The following NRXN2 variants were observed in gnomAD, a reference collection of about 807,000 sequenced individuals.
NRXN2 encodes the protein neurexin 2.
A neutral mutation model predicts 128.8 loss-of-function variants in NRXN2; 29 were observed. The observed-to-expected ratio is 0.23, with a 90% CI of 0.17 to 0.31. The LOEUF is 0.31. NRXN2 is among the 10% of genes least tolerant of loss of function. The probability of loss-of-function intolerance (pLI) is 1.00; values close to 1 mark genes in which losing one functional copy is unlikely to be tolerated. For missense variants in NRXN2, 1,881 were observed against 2,452.6 expected (o/e 0.77, Z 4.92); for synonymous variants, 1,098 against 1,075.2 (o/e 1.02, Z -0.41).
intron 2 of NRXN2, among the ~76,000 whole-genome samples, chr11:64,710,189 T>G (rs1025627820): frequency 6.6e-6 from 1 of 152,036 alleles, no homozygotes; most frequent in Non-Finnish European, 1.5e-5. Flanking sequence ...ATTACAGGCG[T>G]GAGCCACTGC....
At position 64,630,339 on chromosome 11, in the gene NRXN2, C is replaced by G. The variant is rs917436334; in HGVS notation, c.3757+63G>C. On this transcript the variant is annotated intron_variant, in intron 19 of 22. Coordinates refer to ENST00000265459, the MANE Select transcript of NRXN2 (RefSeq NM_015080.4). This position sits in a 1 kb window ranked among gnomAD's most constrained non-coding sequence, Gnocchi z 4.6. ...TTAGCCCCGCCCCGGTGCGGCCGCA[C>G]TCCTATCAGAGGCCGCCACCCGCCC... The G allele has an allele frequency of 1.0e-4, 159 of 1,515,574 alleles. No homozygotes were observed. Among genetic ancestry groups the G allele is most frequent in the Non-Finnish European group, 1.3e-4 (146 of 1,119,408 alleles). The allele number at this position is 1,515,574 out of a possible 1,614,324, so 93.9% of individuals were successfully genotyped here.
At position 64,660,271 on chromosome 11, in the gene NRXN2, C is replaced by T. The variant is rs901316116; in HGVS notation, c.2389+61G>A. ...CACCACCAGCTTCTCCAGACAGAGG[C>T]AGGTGTGGGTCAGAGACAAGGCCAG... On this transcript the variant is annotated intron_variant, in intron 11 of 22. Coordinates refer to ENST00000265459, the MANE Select transcript of NRXN2 (RefSeq NM_015080.4). This position sits in a 1 kb window ranked among gnomAD's most constrained non-coding sequence, Gnocchi z 5.2. The T allele has an allele frequency of 3.2e-6, 5 of 1,566,274 alleles. No individual in the cohort carries two copies. The highest frequency in any genetic ancestry group is 4.4e-6 in the Non-Finnish European group (5 of 1,138,468).
At chr11:64,678,724 A>G (rs1318587483) in intron 6 of NRXN2, among the ~76,000 whole-genome samples, 1 of 152,096 alleles carries the variant, frequency 6.6e-6, no homozygotes, top group African/African-American at 2.4e-5. Context: ...GGCAGCTTTA[A>G]TTAAGAGTAT....
chr11:64,664,004 CAG>C (rs2135497222), intron 9 of NRXN2, among the ~76,000 whole-genome samples: 1 of 152,184 alleles, frequency 6.6e-6, no homozygotes, highest in African/African-American at 2.4e-5. Flanking sequence ...GATTCTTACA[CAG>C]AAAGTAGAAT....
chr11:64,687,724 C>T (rs956003089), intron 5 of NRXN2, among the ~76,000 whole-genome samples: 5 of 152,180 alleles, frequency 3.3e-5, no homozygotes, highest in East Asian at 1.9e-4. Context: ...GAAATGAAGA[C>T]GGCTCAGGGC....
chr11:64,676,960 A>T, intron 7 of NRXN2, 33 bp downstream of exon 7: 1 of 1,606,514 alleles, frequency 6.2e-7, no homozygotes, highest in Middle Eastern at 1.7e-4. Context: ...CCCACGGCAA[A>T]CCAAACGGTA....
At chr11:64,613,679 T>A (rs543459202) in intron 22 of NRXN2, among the ~76,000 whole-genome samples, 2 of 152,358 alleles carry the variant, frequency 1.3e-5, no homozygotes, top group African/African-American at 4.8e-5. Context: ...AGGGTGCACC[T>A]GAGTGAGAAA....
intron 6 of NRXN2, among the ~76,000 whole-genome samples, chr11:64,679,640 A>T (rs938449027): frequency 9.2e-5 from 14 of 152,130 alleles, no homozygotes. Flanking sequence ...CTGTCTCAAA[A>T]AAAAAAAGAA....
chr11:64,701,963 G>GC (rs1317361257), intron 2 of NRXN2, among the ~76,000 whole-genome samples: 1 of 139,554 alleles, frequency 7.2e-6, no homozygotes, highest in Admixed American at 7.0e-5. Context: ...GGGGGGGTCA[G>GC]CCCCCCGCCC....
At position 64,704,663 on chromosome 11, in the gene NRXN2, G is replaced by GAGAGAGAGAGAGAGAA. The variant is rs2056019404; in HGVS notation, c.731-6872_731-6871insTTCTCTCTCTCTCTCT. The stretch of plus-strand genomic sequence containing the variant: ...AGAGAGAGAGAGAGAGAGAGAGAGA[G>GAGAGAGAGAGAGAGAA]AGAGAGAGATGTCAGTTGCTACCTG... On this transcript the variant is annotated intron_variant, in intron 2 of 22. Transcript: ENST00000265459. 6.9e-5 allele frequency among the ~76,000 whole-genome samples: 10 copies of GAGAGAGAGAGAGAGAA among 144,702 alleles called. No homozygotes were observed. The South Asian group carries it at 2.0e-3, about 28-fold the overall frequency. 94.9% of individuals were successfully genotyped at this position (144,702 alleles called of 152,430 possible).
chr11:64,648,839 C>G lies in NRXN2; in HGVS notation c.3178G>C (p.Asp1060His), dbSNP rs375903207. ...SNLPKLVASR[D>H]GFQGCLASVD... is the part of the protein sequence containing the mutation. ...GAGGCCAGGCAGCCCTGAAAGCCAT[C>G]CCGGGAGGCCACCAGCTTGGGCAGG... The change falls in exon 16 of 23, where the codon GAT (aspartate) becomes CAT (histidine). Residue 1060 changes from aspartate to histidine, a missense_variant. Physicochemically the swap from Asp to His is moderately conservative, Grantham distance 81. This residue lies in a region of NRXN2 where 390 missense variants were observed against 599.6 expected (regional missense o/e 0.65). Coordinates refer to ENST00000265459, the MANE Select transcript of NRXN2 (RefSeq NM_015080.4). The surrounding 1 kb of genome is among the most constrained non-coding windows in gnomAD (Gnocchi z 4.1). 5 of 1,614,068 alleles carry G rather than the reference C, an allele frequency of 3.1e-6. No homozygotes were observed. The highest frequency in any genetic ancestry group is 3.4e-6 in the Non-Finnish European group (4 of 1,180,030).
At chr11:64,720,965 G>A (rs2057418369) in intron 1 of NRXN2, among the ~76,000 whole-genome samples, 1 of 152,142 alleles carries the variant, frequency 6.6e-6, no homozygotes, top group South Asian at 2.1e-4. Flanking sequence ...ATCCAAGGGT[G>A]AGGGCTGGCA....
chr11:64,642,908 G>T, intron 17 of NRXN2: 1 of 1,030,008 alleles, frequency 9.7e-7, no homozygotes, highest in Non-Finnish European at 1.2e-6. Flanking sequence ...CGGGAGCGGG[G>T]TAGGGATGAA....
intron 9 of NRXN2, among the ~76,000 whole-genome samples, chr11:64,662,815 C>T (rs1429044502): frequency 1.3e-5 from 2 of 151,668 alleles, no homozygotes; most frequent in Non-Finnish European, 2.9e-5. Flanking sequence ...TAAAAGGGGT[C>T]AGGGTGGGAG....
intron 9 of NRXN2, 124 bp from the exon 10 acceptor site, chr11:64,661,263 G>A: frequency 6.4e-7 from 1 of 1,555,122 alleles, no homozygotes; most frequent in South Asian, 1.2e-5. Flanking sequence ...GCAGGCTCAG[G>A]AGGACGAGCA....
chr11:64,680,772 A>G (rs1287714192), intron 6 of NRXN2, among the ~76,000 whole-genome samples: 1 of 152,164 alleles, frequency 6.6e-6, no homozygotes, highest in African/African-American at 2.4e-5. Context: ...ATTTAGAGGA[A>G]GGACCAGGAG....
intron 7 of NRXN2, among the ~76,000 whole-genome samples, chr11:64,674,054 AAG>A (rs1297703367): frequency 1.3e-5 from 2 of 151,630 alleles, no homozygotes; most frequent in African/African-American, 4.8e-5. Context: ...AAAAAAAAAA[AAG>A]CAGGCGGTGG....
chr11:64,650,266 AAG>A (rs2135451201), intron 15 of NRXN2, among the ~76,000 whole-genome samples, 180 bp downstream of exon 15: 4 of 152,202 alleles, frequency 2.6e-5, no homozygotes, highest in African/African-American at 9.6e-5. Flanking sequence ...GCAGACTCAC[AAG>A]AGAGCCAAGC....
Position 64,648,969 on chromosome 11 carries a change from A to G in NRXN2, c.3110-62T>C. ...CCCATTCCCATCCCAAGACAATGGC[A>G]TCTGGCTGTCAGGTCCTCCCAGCCT... On this transcript the variant is annotated intron_variant, in intron 15 of 22. Transcript: ENST00000265459. This position sits in a 1 kb window ranked among gnomAD's most constrained non-coding sequence, Gnocchi z 4.1. The G allele has an allele frequency of 1.3e-6, 2 of 1,569,896 alleles. No homozygotes were observed. Among genetic ancestry groups the G allele is most frequent in the Non-Finnish European group, 1.8e-6 (2 of 1,140,978 alleles).
Sources: allele counts gnomAD v4.1 joint callset (sites outside exome capture counted in the v4.1 genomes callset), GRCh38; gene constraint gnomAD v4.1.1; regional missense constraint gnomAD v4.1.1; non-coding constraint Gnocchi (gnomAD v3.1); transcripts MANE v1.5; gene names NCBI Gene and HGNC (gene_info 2026-07-23, HGNC 2026-07-21).